ZNF99: variants seen among roughly 807,000 people sequenced by gnomAD.
The protein encoded by ZNF99 is zinc finger protein 99.
Under a neutral mutation model 12.8 loss-of-function variants are expected in ZNF99, and 8 were observed. The ratio of observed to expected loss-of-function variants is 0.62; its 90% confidence interval spans 0.37 to 1.13. The LOEUF is 1.13. ZNF99 is among the 50% of genes most tolerant of loss of function. The probability of loss-of-function intolerance (pLI) is 0.02; values close to 1 mark genes in which losing one functional copy is unlikely to be tolerated. For synonymous variants in ZNF99, 318 were observed against 319.0 expected (o/e 1.00, Z 0.03); for missense variants, 1,007 against 1,006.2 (o/e 1.00, Z -0.01).
At chr19:22,779,266 G>A (rs992325802) in intron 1 of ZNF99, among the ~76,000 whole-genome samples, 3 of 151,684 alleles carry the variant, frequency 2.0e-5, no homozygotes, top group Non-Finnish European at 4.4e-5. Flanking sequence ...TAGCTCATGC[G>A]TGTAATCCTA....
In ZNF99 at chr19:22,784,081, G is replaced by A. The variant is rs2145165139; in HGVS notation, c.-65C>T. ...TCTCCAAATACCTACAGGTCACAGG[G>A]CCACAGAGGCTAAGGACACAGAGCA... On this transcript the variant is annotated 5_prime_UTR_variant, in exon 1 of 4. Coordinates refer to ENST00000596209, the MANE Select transcript of ZNF99 (RefSeq NM_001080409.3). 1 of 1,587,232 alleles carries A rather than the reference G, an allele frequency of 6.3e-7. No individual in the cohort carries two copies. Among genetic ancestry groups the A allele is most frequent in the Non-Finnish European group, 8.6e-7 (1 of 1,157,766 alleles).
Position 22,752,207 on chromosome 19 carries a change from C to T in ZNF99, c.*5107G>A, listed in dbSNP as rs549982665. 1.3e-5 allele frequency: 2 copies of T among 150,106 alleles called. No homozygotes were observed. The highest frequency in any genetic ancestry group is 6.7e-5 in the Admixed American group (1 of 15,024). The allele number at this position is 150,106 out of a possible 1,614,324, so 9.3% of individuals were successfully genotyped here. On this transcript the variant is annotated 3_prime_UTR_variant, in exon 4 of 4. Coordinates refer to ENST00000596209, the MANE Select transcript of ZNF99 (RefSeq NM_001080409.3). ...CCCAGATATGTATAGATTTTATTTA[C>T]ATTCCTATATGATTTTTATTATGAC...
chr19:22,752,791 C>T lies in ZNF99; in HGVS notation c.*4523G>A, dbSNP rs577129848. The T allele has an allele frequency of 6.8e-4, 103 of 152,118 alleles. No individual in the cohort carries two copies. Among genetic ancestry groups the T allele is most frequent in the African/African-American group, 2.3e-3 (97 of 41,496 alleles). 9.4% of individuals were successfully genotyped at this position (152,118 alleles called of 1,614,324 possible). On this transcript the variant is annotated 3_prime_UTR_variant, in exon 4 of 4. Transcript: ENST00000596209. The stretch of plus-strand genomic sequence containing the variant: ...TGTACTACATTACATAAAAGCACAA[C>T]TAATATAATACATCACTAATTTAAT...
Position 22,754,227 on chromosome 19 carries a change from C to CAG in ZNF99, c.*3086_*3087insCT. 6.8e-6 allele frequency: 3 copies of CAG among 440,106 alleles called. No homozygotes were observed. The highest frequency in any genetic ancestry group is 4.8e-5 in the South Asian group (3 of 63,088). 27.3% of individuals were successfully genotyped at this position (440,106 alleles called of 1,614,324 possible). A position where few individuals can be genotyped will look rare whatever the true frequency, so the allele number is the denominator to read the frequency against. On this transcript the variant is annotated 3_prime_UTR_variant, in exon 4 of 4. Coordinates refer to ENST00000596209, the MANE Select transcript of ZNF99 (RefSeq NM_001080409.3). ...ACTAAAAATACAAAAATTAGCTGGG[C>CAG]GTGGTGGCAGGCGCCTGCAATCCCA...
At chr19:22,775,953 C>G (rs547579601) in intron 1 of ZNF99, among the ~76,000 whole-genome samples, 4 of 152,254 alleles carry the variant, frequency 2.6e-5, no homozygotes, top group South Asian at 2.1e-4. Context: ...ACCCGGGAGG[C>G]AGAGGTTGCA....
At chr19:22,769,869 A>G (rs753691952) in intron 1 of ZNF99, 1 of 1,350,418 alleles carries the variant, frequency 7.4e-7, no homozygotes, top group South Asian at 1.2e-5. Context: ...CAGACAAGAT[A>G]CTTTTCTGGA....
Position 22,755,988 on chromosome 19 carries a change from A to G in ZNF99, c.*1326T>C, listed in dbSNP as rs1973045062. ...CTCCAGTATCAATTATTTTATGTGT[A>G]TTTAAGGTGTGAGGACTGGTTAAAG... On this transcript the variant is annotated 3_prime_UTR_variant, in exon 4 of 4. Transcript: ENST00000596209. The G allele has an allele frequency of 1.6e-6, 1 of 632,536 alleles. No individual in the cohort carries two copies. Among genetic ancestry groups the G allele is most frequent in the Non-Finnish European group, 2.7e-6 (1 of 376,860 alleles). The allele number at this position is 632,536 out of a possible 1,614,324, so 39.2% of individuals were successfully genotyped here.
At chr19:22,781,719 G>C (rs1420636431) in intron 1 of ZNF99, among the ~76,000 whole-genome samples, 1 of 151,984 alleles carries the variant, frequency 6.6e-6, no homozygotes, top group African/African-American at 2.4e-5. Flanking sequence ...TCGTTGAAAG[G>C]CTACACTCCA....
chr19:22,765,081 C>T (rs1483099696), intron 3 of ZNF99, among the ~76,000 whole-genome samples: 1 of 152,256 alleles, frequency 6.6e-6, no homozygotes, highest in East Asian at 1.9e-4. Flanking sequence ...ATGGAACCAA[C>T]CCAAATGCCC....
intron 3 of ZNF99, among the ~76,000 whole-genome samples, chr19:22,761,095 A>G (rs1020694202): frequency 2.0e-5 from 3 of 151,948 alleles, no homozygotes; most frequent in Admixed American, 2.0e-4. Context: ...CCCAATCAAA[A>G]AAAGTATAAA....
At chr19:22,761,727 C>T (rs750188550) in intron 3 of ZNF99, among the ~76,000 whole-genome samples, 1 of 151,976 alleles carries the variant, frequency 6.6e-6, no homozygotes, top group Admixed American at 6.6e-5. Flanking sequence ...CCAAATAGAC[C>T]GTATGATAAG....
intron 3 of ZNF99, among the ~76,000 whole-genome samples, chr19:22,761,391 AAG>A (rs1179850372): frequency 6.6e-6 from 1 of 152,180 alleles, no homozygotes; most frequent in Non-Finnish European, 1.5e-5. Flanking sequence ...TAAAAAAACA[AAG>A]AGGGACATTA....
rs965182729 is a variant in ZNF99, at chr19:22,752,217, T to G, written c.*5097A>C. ...TATAGATTTTATTTACATTCCTATA[T>G]GATTTTTATTATGACCACAAAAATG... On this transcript the variant is annotated 3_prime_UTR_variant, in exon 4 of 4. Coordinates refer to ENST00000596209, the MANE Select transcript of ZNF99 (RefSeq NM_001080409.3). 1 of 152,064 alleles carries G rather than the reference T, an allele frequency of 6.6e-6. No homozygotes were observed. The highest frequency in any genetic ancestry group is 2.1e-4 in the South Asian group (1 of 4,828). The allele number at this position is 152,064 out of a possible 1,614,324, so 9.4% of individuals were successfully genotyped here.
At position 22,756,700 on chromosome 19, in the gene ZNF99, C is replaced by T. The variant is rs76694699; in HGVS notation, c.*614G>A. On this transcript the variant is annotated 3_prime_UTR_variant, in exon 4 of 4. Transcript: ENST00000596209. ...GTTAAAACCTTTGCCACATTCTTCA[C>T]ATTTGTACGGTTTCTCCCCAGTATG... 4 of 1,470,672 alleles carry T rather than the reference C, an allele frequency of 2.7e-6. No individual in the cohort carries two copies. Among genetic ancestry groups the T allele is most frequent in the Non-Finnish European group, 3.6e-6 (4 of 1,101,008 alleles). 91.1% of individuals were successfully genotyped at this position (1,470,672 alleles called of 1,614,324 possible).
chr19:22,756,248 G>T lies in ZNF99; in HGVS notation c.*1066C>A, dbSNP rs565432331. ...ATGAATTATCTTATGTTTAGTAAGG[G>T]CTGAAAGATGGTTAAAAGCTTTGCC... On this transcript the variant is annotated 3_prime_UTR_variant, in exon 4 of 4. Transcript: ENST00000596209. The T allele has an allele frequency of 2.6e-6, 4 of 1,566,176 alleles. No homozygotes were observed. The highest frequency in any genetic ancestry group is 3.5e-6 in the Non-Finnish European group (4 of 1,156,714).
Position 22,759,051 on chromosome 19 carries a change from T to C in ZNF99, c.858A>G (p.Lys286=), listed in dbSNP as rs759374927. The C allele has an allele frequency of 1.3e-5, 21 of 1,613,660 alleles. No individual in the cohort carries two copies. Among genetic ancestry groups the C allele is most frequent in the Non-Finnish European group, 1.7e-5 (20 of 1,179,828 alleles). The change falls in exon 4 of 4, where the codon AAA becomes AAG. Residue 286 remains lysine, a synonymous_variant. Coordinates refer to ENST00000596209, the MANE Select transcript of ZNF99 (RefSeq NM_001080409.3). ...KIIHTGKKPY[K]CEECGKAFKQ... is the part of the protein sequence containing the mutation. ...TAAAAGCTTTGCCACATTCTTCACATTTATATGGTTTCTTCCCAGTATGAA... is the reference window on the plus strand; with the variant it reads ...TAAAAGCTTTGCCACATTCTTCACACTTATATGGTTTCTTCCCAGTATGAA...
chr19:22,771,917 C>A (rs1599447487), intron 1 of ZNF99, among the ~76,000 whole-genome samples: 2 of 148,742 alleles, frequency 1.3e-5, no homozygotes. Flanking sequence ...AGGGTTTCAC[C>A]ATATTGGCCA....
In ZNF99 at chr19:22,755,073, CAAA is replaced by C. The variant is rs34161305; in HGVS notation, c.*2238_*2240del. The C allele has an allele frequency of 0.036, 5,215 of 146,858 alleles. 307 individuals are homozygous for C. Among genetic ancestry groups the C allele is most frequent in the African/African-American group, 0.13 (4,840 of 37,166 alleles). The allele number at this position is 146,858 out of a possible 1,614,324, so 9.1% of individuals were successfully genotyped here. ...GGGCAACTAGGGCGAAACTCTGTTT[CAAA>C]AAAAAAAAAAAAAAAATTGAAGAAT... On this transcript the variant is annotated 3_prime_UTR_variant, in exon 4 of 4. Transcript: ENST00000596209.
At chr19:22,782,421 T>C (rs1973397826) in intron 1 of ZNF99, among the ~76,000 whole-genome samples, 1 of 152,022 alleles carries the variant, frequency 6.6e-6, no homozygotes, top group Admixed American at 6.6e-5. Flanking sequence ...AATGGCGCGA[T>C]CTCGGCTCAC....
Sources: gnomAD v4.1 joint callset for allele counts (sites outside exome capture counted in the v4.1 genomes callset) on GRCh38, gnomAD v4.1.1 for gene constraint, MANE v1.5 for transcripts, NCBI Gene and HGNC (gene_info 2026-07-23, HGNC 2026-07-21) for gene names.